MTRR: variants seen among roughly 807,000 people sequenced by gnomAD.
MTRR encodes the protein 5-methyltetrahydrofolate-homocysteine methyltransferase reductase.
In MTRR, 63 loss-of-function variants were observed where a neutral mutation model predicts 79.2. The observed-to-expected ratio is 0.80, with a 90% confidence interval of 0.65 to 0.98. The LOEUF (loss-of-function observed/expected upper bound fraction) is 0.98, where lower values mean the gene tolerates loss of function less well. Ranked by LOEUF, MTRR falls within the 50% of genes least tolerant of loss-of-function variation. The probability of loss-of-function intolerance (pLI) is 0.00; values close to 1 mark genes in which losing one functional copy is unlikely to be tolerated. For synonymous variants in MTRR, 355 were observed against 313.3 expected (o/e 1.13, Z -1.41); for missense variants, 895 against 839.6 (o/e 1.07, Z -0.82).
In MTRR at chr5:7,896,905, C is replaced by T; in HGVS notation, c.1718C>T (p.Ala573Val). The change falls in exon 13 of 15, where the codon GCA becomes GTA. Residue 573 changes from alanine to valine, a missense_variant. Coordinates refer to ENST00000440940, the MANE Select transcript of MTRR (RefSeq NM_002454.3). ...QEQHPDGNFG[A>V]MWLFFGCRHK... ...CAACACCCAGATGGAAATTTTGGAGCAATGTGGTTGTTTTTTGGCTGCAGG... is the reference window on the plus strand; with the variant it reads ...CAACACCCAGATGGAAATTTTGGAGTAATGTGGTTGTTTTTTGGCTGCAGG... The T allele has an allele frequency of 6.2e-7, 1 of 1,613,850 alleles. No individual in the cohort carries two copies. Among genetic ancestry groups the T allele is most frequent in the Non-Finnish European group, 8.5e-7 (1 of 1,179,970 alleles).
In MTRR at chr5:7,889,085, C is replaced by T; in HGVS notation, c.1147-10C>T. 1 of 1,614,064 alleles carries T rather than the reference C, an allele frequency of 6.2e-7. No homozygotes were observed. ...TTGTGTCACAATTTAAGGCGGGCTCCTTTTTGTAGGCATTTTTGCGAGCCC... is the reference window on the plus strand; with the variant it reads ...TTGTGTCACAATTTAAGGCGGGCTCTTTTTTGTAGGCATTTTTGCGAGCCC... On this transcript the variant is annotated splice_polypyrimidine_tract_variant and intron_variant, in intron 8 of 14. Transcript: ENST00000440940.
intron 1 of MTRR, among the ~76,000 whole-genome samples, chr5:7,859,698 A>G (rs563900088): frequency 1.1e-4 from 16 of 152,220 alleles, no homozygotes; most frequent in Non-Finnish European, 1.5e-4. Flanking sequence ...TGTATCCCCA[A>G]TGTCTAGAAC....
chr5:7,860,999 A>G (rs1047896990), intron 1 of MTRR: 1 of 509,934 alleles, frequency 2.0e-6, no homozygotes, highest in African/African-American at 1.9e-5. Context: ...AGCCATTTCG[A>G]GTTTTGTGCT....
upstream of MTRR, chr5:7,867,558 T>A (rs200724137): frequency 9.3e-6 from 15 of 1,614,150 alleles, no homozygotes; most frequent in Non-Finnish European, 1.3e-5. Context: ...ACTAAACTAG[T>A]GTTTGACAGC....
intron 4 of MTRR, among the ~76,000 whole-genome samples, chr5:7,877,229 T>C (rs888457028): frequency 2.0e-5 from 3 of 152,238 alleles, no homozygotes; most frequent in Admixed American, 1.3e-4. Context: ...TAAACTTCTC[T>C]GTTCAGGGAA....
In MTRR at chr5:7,900,946, A is replaced by G. The variant is rs1739377980; in HGVS notation, c.*888A>G. ...AGTATCCTTGGATTTTTAGATTCCC[A>G]GTGTCTAATTCCCTGTTATAATTTG... On this transcript the variant is annotated 3_prime_UTR_variant, in exon 15 of 15. Transcript: ENST00000440940. 6.6e-6 allele frequency: 1 copy of G among 152,208 alleles called. No homozygotes were observed. Among genetic ancestry groups the G allele is most frequent in the Non-Finnish European group, 1.5e-5 (1 of 68,030 alleles). 9.4% of individuals were successfully genotyped at this position (152,208 alleles called of 1,614,324 possible). A position where few individuals can be genotyped will look rare whatever the true frequency, so the allele number is the denominator to read the frequency against.
upstream of MTRR, chr5:7,868,998 A>C (rs776781504): frequency 2.2e-5 from 22 of 1,002,754 alleles, no homozygotes; most frequent in Non-Finnish European, 3.1e-5. Context: ...CCGGGCAATC[A>C]CTCCGGGTGG....
At chr5:7,896,511 T>A (rs1738541212) in intron 12 of MTRR, 1 of 330,012 alleles carries the variant, frequency 3.0e-6, no homozygotes, top group Non-Finnish European at 5.7e-6. Context: ...CATTCTGCCT[T>A]TAACAGCCCT....
chr5:7,865,662 C>T (rs1369047000), upstream of MTRR, among the ~76,000 whole-genome samples: 1 of 152,124 alleles, frequency 6.6e-6, no homozygotes, highest in Non-Finnish European at 1.5e-5. Context: ...AACTCACATG[C>T]CTGCAGCACT....
chr5:7,890,390 G>A (rs547817765), intron 9 of MTRR: 1 of 985,392 alleles, frequency 1.0e-6, no homozygotes, highest in Admixed American at 6.1e-5. Flanking sequence ...ACCATCAGCA[G>A]GAATAGGATG....
intron 9 of MTRR, among the ~76,000 whole-genome samples, chr5:7,891,148 G>GT (rs1395738062): frequency 1.3e-5 from 2 of 152,076 alleles, no homozygotes; most frequent in African/African-American, 4.8e-5. Context: ...TGATTTAAGA[G>GT]TAAGAAAATG....
chr5:7,874,183 C>A (rs1262638210), intron 3 of MTRR, among the ~76,000 whole-genome samples: 5 of 152,286 alleles, frequency 3.3e-5, no homozygotes, highest in Admixed American at 6.5e-5. Context: ...CAGATCAGCA[C>A]AATATGATAC....
At chr5:7,890,172 T>A in intron 9 of MTRR, 1 of 790,248 alleles carries the variant, frequency 1.3e-6, no homozygotes, top group Non-Finnish European at 1.5e-6. Flanking sequence ...TTTTTACTCT[T>A]GGGCCAGCAA....
chr5:7,864,891 C>A (rs1018383790), upstream of MTRR, among the ~76,000 whole-genome samples: 5 of 151,590 alleles, frequency 3.3e-5, no homozygotes, highest in African/African-American at 9.7e-5. Context: ...ATGAAAAAAA[C>A]CAAAAAGGCT....
At position 7,878,585 on chromosome 5, in the gene MTRR, C is replaced by T. The variant is rs995506309; in HGVS notation, c.780+263C>T. On this transcript the variant is annotated intron_variant, in intron 5 of 14. Transcript: ENST00000440940. ...GCCTGCAATGCCTAAGGCATTTGGC[C>T]CCTTCCAGTAAAAGTTTTCCCACCC... Among the ~76,000 whole-genome samples the T allele has an allele frequency of 4.6e-5, 7 of 152,310 alleles. No homozygotes were observed. The East Asian group carries it at 9.6e-4, about 21-fold the overall frequency.
chr5:7,867,164 T>C (rs1322796117), upstream of MTRR: 3 of 1,614,028 alleles, frequency 1.9e-6, no homozygotes, highest in African/African-American at 2.7e-5. Flanking sequence ...TTGACTTTGA[T>C]CAAGAACCAC....
At chr5:7,894,786 C>T (rs964937224) in intron 11 of MTRR, among the ~76,000 whole-genome samples, 1 of 152,116 alleles carries the variant, frequency 6.6e-6, no homozygotes, top group African/African-American at 2.4e-5. Flanking sequence ...TTTTCTTTTC[C>T]TTCCACTAGA....
At chr5:7,882,238 G>A (rs796098556) in intron 5 of MTRR, among the ~76,000 whole-genome samples, 11 of 152,210 alleles carry the variant, frequency 7.2e-5, no homozygotes, top group Admixed American at 5.2e-4. Flanking sequence ...GAGTTGGAAC[G>A]AAGAGGCTGG....
intron 8 of MTRR, 55 bp from the exon 9 acceptor site, chr5:7,889,040 C>A: frequency 6.2e-7 from 1 of 1,604,894 alleles, no homozygotes; most frequent in South Asian, 1.1e-5. Flanking sequence ...ACTGAATATT[C>A]TAATAGCTCT....
Sources: allele counts gnomAD v4.1 joint callset (sites outside exome capture counted in the v4.1 genomes callset), GRCh38; gene constraint gnomAD v4.1.1; transcripts MANE v1.5; gene names NCBI Gene and HGNC (gene_info 2026-07-23, HGNC 2026-07-21).